The following SDK1 variants were observed in gnomAD, a reference collection of about 807,000 sequenced individuals.
SDK1 encodes sidekick cell adhesion molecule 1, also known as protein sidekick-1.
Under a neutral mutation model 245.5 loss-of-function variants are expected in SDK1, and 157 were observed. The ratio of observed to expected loss-of-function variants is 0.64; its 90% CI spans 0.56 to 0.73. The LOEUF is 0.73. Ranked by LOEUF, SDK1 falls within the 30% of genes least tolerant of loss-of-function variation. SDK1 has a pLI of 0.00. For missense variants in SDK1, 3,583 were observed against 3,002.3 expected, an observed-to-expected ratio of 1.19 and a Z score of -4.52; for synonymous variants, 1,647 against 1,278.5, an observed-to-expected ratio of 1.29 and a Z score of -6.15.
intron 32 of SDK1, among the ~76,000 whole-genome samples, chr7:4,168,597 G>A (rs893364317): frequency 6.6e-6 from 1 of 152,104 alleles, no homozygotes; most frequent in Non-Finnish European, 1.5e-5. Context: ...CGCCACCTGA[G>A]CTTCCCTCCT....
chr7:3,950,751 A>C (rs867814369), intron 5 of SDK1, among the ~76,000 whole-genome samples, 172 bp from the exon 6 acceptor site: 6 of 152,276 alleles, frequency 3.9e-5, no homozygotes, highest in Middle Eastern at 6.8e-3. Context: ...CATAAAGTTG[A>C]AAAGCCCTGC....
rs561377047 is a variant in SDK1 at position 3,722,029 on chromosome 7, C to G, written c.713+79924C>G. On this transcript the variant is annotated intron_variant, in intron 4 of 44. Coordinates refer to ENST00000404826, the MANE Select transcript of SDK1 (RefSeq NM_152744.4). ...TCATGCCTCACTGCAGCCTTGACCT[C>G]TTGTTTTTTTTGTTTTTTTGAGGTT... Among the ~76,000 whole-genome samples the G allele has an allele frequency of 1.3e-3, 191 of 152,076 alleles. 1 individual carries two copies. Among genetic ancestry groups the G allele is most frequent in the Non-Finnish European group, 1.9e-3 (127 of 68,002 alleles).
chr7:3,575,012 T>G (rs1414427304), intron 1 of SDK1, among the ~76,000 whole-genome samples: 2 of 152,156 alleles, frequency 1.3e-5, no homozygotes, highest in East Asian at 3.9e-4. Context: ...GCTGGAATCA[T>G]CACAGCCTCC....
intron 34 of SDK1, among the ~76,000 whole-genome samples, chr7:4,176,761 GT>G (rs1486298515): frequency 1.3e-5 from 2 of 152,206 alleles, no homozygotes; most frequent in Non-Finnish European, 2.9e-5. Context: ...TGGCTGGCTT[GT>G]TTCATGAGCT....
chr7:4,268,408 C>T lies in SDK1; in HGVS notation c.*3024C>T. On this transcript the variant is annotated 3_prime_UTR_variant, in exon 45 of 45. Coordinates refer to ENST00000404826, the MANE Select transcript of SDK1 (RefSeq NM_152744.4). ...TGGGTGAATCGGTCCAGCCCAAGCC[C>T]CTCTCCCCAGCCTCGCCTTCAGCCT... 1 of 1,118,056 alleles carries T rather than the reference C, an allele frequency of 8.9e-7. No homozygotes were observed. Among genetic ancestry groups the T allele is most frequent in the Non-Finnish European group, 1.1e-6 (1 of 903,486 alleles). 69.3% of individuals were successfully genotyped at this position (1,118,056 alleles called of 1,614,324 possible). A position where few individuals can be genotyped will look rare whatever the true frequency, so the allele number is the denominator to read the frequency against.
chr7:4,028,563 A>C (rs1488293892), intron 17 of SDK1, among the ~76,000 whole-genome samples: 1 of 152,228 alleles, frequency 6.6e-6, no homozygotes, highest in Non-Finnish European at 1.5e-5. Context: ...CATTGTCTAC[A>C]TAAGAGGACT....
chr7:3,603,190 T>C (rs1277274618), intron 1 of SDK1, among the ~76,000 whole-genome samples: 1 of 137,784 alleles, frequency 7.3e-6, no homozygotes, highest in Non-Finnish European at 1.6e-5. Context: ...CAGATGAACT[T>C]TAAAGTAGTT....
intron 4 of SDK1, among the ~76,000 whole-genome samples, chr7:3,795,293 G>T (rs75879885): frequency 6.6e-6 from 1 of 152,116 alleles, no homozygotes; most frequent in Non-Finnish European, 1.5e-5. Flanking sequence ...GTTGGATAGG[G>T]TGTCTTGTAA....
At chr7:3,994,216 C>G (rs948790689) in intron 14 of SDK1, among the ~76,000 whole-genome samples, 2 of 152,214 alleles carry the variant, frequency 1.3e-5, no homozygotes, top group African/African-American at 4.8e-5. Context: ...CTAGACCTCT[C>G]TGCTAAGCCT....
At chr7:3,424,565 G>C (rs913224656) in intron 1 of SDK1, among the ~76,000 whole-genome samples, 1 of 152,128 alleles carries the variant, frequency 6.6e-6, no homozygotes, top group African/African-American at 2.4e-5. Flanking sequence ...TCTGCTGATA[G>C]TCTGGTTGAT....
At position 3,625,474 on chromosome 7, in the gene SDK1, T is replaced by C. The variant is rs73673654; in HGVS notation, c.458+6235T>C. Among the ~76,000 whole-genome samples, 782 of 152,262 alleles carry C rather than the reference T, an allele frequency of 5.1e-3. 5 individuals carry two copies. Among genetic ancestry groups the C allele is most frequent in the African/African-American group, 0.018 (751 of 41,550 alleles). On this transcript the variant is annotated intron_variant, in intron 2 of 44. Coordinates refer to ENST00000404826, the MANE Select transcript of SDK1 (RefSeq NM_152744.4). ...AAGCTTGGCTCTCCTTCTTTGTTTG[T>C]GAATGTCATCCCAGGAAGCAGGTGT...
chr7:3,382,019 C>T (rs1006079338), intron 1 of SDK1, among the ~76,000 whole-genome samples: 3 of 152,164 alleles, frequency 2.0e-5, no homozygotes, highest in African/African-American at 4.8e-5. Flanking sequence ...CTTATTGATG[C>T]CCTACTCTGT....
At chr7:4,168,368 G>T (rs187741490) in intron 32 of SDK1, among the ~76,000 whole-genome samples, 4 of 152,336 alleles carry the variant, frequency 2.6e-5, no homozygotes, top group Non-Finnish European at 5.9e-5. Context: ...GTTGGGCAAG[G>T]CGGATTGGCC....
In SDK1 at chr7:3,355,669, A is replaced by T. The variant is rs910779739; in HGVS notation, c.298+53785A>T. Among the ~76,000 whole-genome samples, 8 of 152,194 alleles carry T rather than the reference A, an allele frequency of 5.3e-5. 1 individual carries two copies. Among genetic ancestry groups the T allele is most frequent in the Admixed American group, 5.2e-4 (8 of 15,284 alleles). On this transcript the variant is annotated intron_variant, in intron 1 of 44. Coordinates refer to ENST00000404826, the MANE Select transcript of SDK1 (RefSeq NM_152744.4). ...GGAATACCCTCAGCTTTCCACCGAC[A>T]AATCTATTCCTGCAGACACCCGTCA... is the stretch of plus-strand genomic sequence containing the variant.
At chr7:3,531,267 C>T (rs750945080) in intron 1 of SDK1, among the ~76,000 whole-genome samples, 4 of 152,174 alleles carry the variant, frequency 2.6e-5, no homozygotes, top group East Asian at 1.9e-4. Flanking sequence ...TTTATCTGTA[C>T]GCTATGCTAA....
intron 1 of SDK1, among the ~76,000 whole-genome samples, chr7:3,459,415 C>T (rs1374928595): frequency 2.0e-5 from 3 of 152,210 alleles, no homozygotes; most frequent in Non-Finnish European, 4.4e-5. Flanking sequence ...GACAGGCAGT[C>T]GATATAGTGC....
chr7:3,796,624 C>T (rs57143854), intron 4 of SDK1, among the ~76,000 whole-genome samples: 41,620 of 152,076 alleles, frequency 0.27, 8,029 homozygotes, highest in African/African-American at 0.55. Flanking sequence ...ACCACCTTGG[C>T]TCAAGCCAAC....
intron 22 of SDK1, among the ~76,000 whole-genome samples, chr7:4,083,507 G>C (rs369489264): frequency 3.8e-5 from 5 of 130,878 alleles, no homozygotes; most frequent in East Asian, 4.1e-4. Flanking sequence ...CAAAGAACTG[G>C]TAGATTCCAT....
intron 4 of SDK1, among the ~76,000 whole-genome samples, chr7:3,715,057 C>G (rs1583334483): frequency 6.6e-6 from 1 of 152,136 alleles, no homozygotes; most frequent in Non-Finnish European, 1.5e-5. Flanking sequence ...GATGCCTCAG[C>G]TTCTCCAATG....
Sources: gnomAD v4.1 joint callset for allele counts (sites outside exome capture counted in the v4.1 genomes callset) on GRCh38, gnomAD v4.1.1 for gene constraint, MANE v1.5 for transcripts, NCBI Gene and HGNC (gene_info 2026-07-23, HGNC 2026-07-21) for gene names.